The following PDE6B variants were observed in gnomAD, a reference collection of about 807,000 sequenced individuals.
PDE6B encodes the protein rod cGMP-specific 3',5'-cyclic phosphodiesterase subunit beta.
PDE6B carries 106 observed loss-of-function variants against 109.0 expected under a neutral mutation model. The ratio of observed to expected loss-of-function variants is 0.97; its 90% CI spans 0.83 to 1.14. PDE6B has a LOEUF of 1.14. PDE6B is among the 50% of genes most tolerant of loss of function. The pLI is 0.00. For synonymous variants in PDE6B, 490 were observed against 471.3 expected (o/e 1.04, Z -0.51); for missense variants, 1,193 against 1,155.6 (o/e 1.03, Z -0.47).
At position 633,939 on chromosome 4, in the gene PDE6B, G is replaced by A. The variant is rs113028440; in HGVS notation, c.469-738G>A. On this transcript the variant is annotated intron_variant, in intron 1 of 21. Coordinates refer to ENST00000496514, the MANE Select transcript of PDE6B (RefSeq NM_000283.4). This position sits in a 1 kb window ranked among gnomAD's most constrained non-coding sequence, Gnocchi z 4.5. ...CAGCTGACCTGTTCCTTGAGGGGCC[G>A]GAACCTAAGAGCCAAGAGAGGAGGG... 7.1e-3 allele frequency among the ~76,000 whole-genome samples: 1,087 copies of A among 152,226 alleles called. 19 individuals carry two copies. The highest frequency in any genetic ancestry group is 0.025 in the African/African-American group (1,037 of 41,528).
In PDE6B at chr4:635,987, A is replaced by C; in HGVS notation, c.711+18A>C. On this transcript the variant is annotated intron_variant, in intron 3 of 21. Transcript: ENST00000496514. ...GCGGCCAGGTACCCACACGCTGAGCACAGCTCTGCCCACGAGGGCCAGGGT... is the reference window on the plus strand; with the variant it reads ...GCGGCCAGGTACCCACACGCTGAGCCCAGCTCTGCCCACGAGGGCCAGGGT... 6.8e-7 allele frequency: 1 copy of C among 1,472,276 alleles called. No homozygotes were observed. Among genetic ancestry groups the C allele is most frequent in the African/African-American group, 1.4e-5 (1 of 72,320 alleles). The allele number at this position is 1,472,276 out of a possible 1,614,324, so 91.2% of individuals were successfully genotyped here.
chr4:653,387 G>C, intron 3 of PDE6B: 2 of 1,070,502 alleles, frequency 1.9e-6, no homozygotes, highest in South Asian at 4.2e-5. Flanking sequence ...TGTCCTGAGT[G>C]GGGTCTGGCC....
At chr4:637,052 T>C (rs1426341426) in intron 3 of PDE6B, among the ~76,000 whole-genome samples, 1 of 152,218 alleles carries the variant, frequency 6.6e-6, no homozygotes, top group East Asian at 1.9e-4. Flanking sequence ...TATTCAATCA[T>C]TTATTTATGT....
intron 2 of PDE6B, among the ~76,000 whole-genome samples, chr4:635,082 C>G (rs377437430): frequency 7.0e-5 from 8 of 113,802 alleles, no homozygotes; most frequent in South Asian, 3.3e-4. Flanking sequence ...CGTGTGTTCT[C>G]TGCTGCGTGT....
chr4:625,586 C>A lies in PDE6B; in HGVS notation c.-41C>A. On this transcript the variant is annotated 5_prime_UTR_variant, in exon 1 of 22. Transcript: ENST00000496514. The surrounding 1 kb of genome is among the most constrained non-coding windows in gnomAD (Gnocchi z 5.0). ...TGACAGGGTTTCCTGGGAGTCCATGCGTGCCTGGAGCAGCAGCGTCTCCAG... is the reference window on the plus strand; with the variant it reads ...TGACAGGGTTTCCTGGGAGTCCATGAGTGCCTGGAGCAGCAGCGTCTCCAG... 2.2e-6 allele frequency: 3 copies of A among 1,393,816 alleles called. No individual in the cohort carries two copies. The highest frequency in any genetic ancestry group is 1.2e-5 in the South Asian group (1 of 86,758). 86.3% of individuals were successfully genotyped at this position (1,393,816 alleles called of 1,614,324 possible). A position where few individuals can be genotyped will look rare whatever the true frequency, so the allele number is the denominator to read the frequency against.
rs1010503525 is a variant in PDE6B, at chr4:666,910, C to T, written c.2352+296C>T. On this transcript the variant is annotated intron_variant, in intron 20 of 21. Coordinates refer to ENST00000496514, the MANE Select transcript of PDE6B (RefSeq NM_000283.4). This position sits in a 1 kb window ranked among gnomAD's most constrained non-coding sequence, Gnocchi z 5.6. ...CCTCCAGGCCTACCCCAGAAGTTCT[C>T]CCTCAGTGCCCTCCGCCGTGGCCAG... Among the ~76,000 whole-genome samples, 1 of 152,240 alleles carries T rather than the reference C, an allele frequency of 6.6e-6. No homozygotes were observed. Among genetic ancestry groups the T allele is most frequent in the Non-Finnish European group, 1.5e-5 (1 of 68,040 alleles).
rs551607278 is a variant in PDE6B at position 635,512 on chromosome 4, C to T, written c.622-368C>T. 8.2e-5 allele frequency among the ~76,000 whole-genome samples: 9 copies of T among 109,860 alleles called. No individual in the cohort carries two copies. The South Asian group carries it at 1.2e-3, about 14-fold the overall frequency. 72.1% of individuals were successfully genotyped at this position (109,860 alleles called of 152,430 possible). On this transcript the variant is annotated intron_variant, in intron 2 of 21. Coordinates refer to ENST00000496514, the MANE Select transcript of PDE6B (RefSeq NM_000283.4). ...GCCTGCCCGTGTGTTCTGTGCTGTG[C>T]GTCCACCTCCTTACCTGCCTGCCTG... is the stretch of plus-strand genomic sequence containing the variant.
chr4:669,916 G>A, intron 21 of PDE6B, 130 bp from the exon 22 acceptor site: 1 of 784,684 alleles, frequency 1.3e-6, no homozygotes, highest in Non-Finnish European at 2.3e-6. Context: ...AATCGGCTTG[G>A]GCTGGTCACA....
At position 663,126 on chromosome 4, in the gene PDE6B, AC is replaced by A. The variant is rs769671323; in HGVS notation, c.1860del (p.His620GlnfsTer23). ...TCCCAGAACCCCTTGGCTAAGCTCCACGGCTCCTCGATTTTGGAGCGGCACC... is the reference window on the plus strand; with the variant it reads ...TCCCAGAACCCCTTGGCTAAGCTCCAGGCTCCTCGATTTTGGAGCGGCACC... ...MKSQNPLAKL[H>X]GSSILERHHL... On this transcript the variant is annotated frameshift_variant, in exon 15 of 22. Transcript: ENST00000496514. LOFTEE classifies it high-confidence loss of function. This position sits in a 1 kb window ranked among gnomAD's most constrained non-coding sequence, Gnocchi z 4.0. 59 of 1,611,616 alleles carry A rather than the reference AC, an allele frequency of 3.7e-5. No individual in the cohort carries two copies. The African/African-American group carries it at 5.2e-4, about 14-fold the overall frequency.
intron 5 of PDE6B, 146 bp downstream of exon 5, chr4:654,300 C>G: frequency 1.3e-6 from 1 of 742,674 alleles, no homozygotes; most frequent in Non-Finnish European, 2.4e-6. Flanking sequence ...TCTGTGGTCT[C>G]CACCAGGCTC....
chr4:656,350 T>A, intron 8 of PDE6B, 58 bp downstream of exon 8: 1 of 1,126,838 alleles, frequency 8.9e-7, no homozygotes. Context: ...AGATTTTGAT[T>A]CAGCGATGAT....
intron 1 of PDE6B, among the ~76,000 whole-genome samples, chr4:628,838 C>G (rs1300643354): frequency 6.6e-6 from 1 of 152,198 alleles, no homozygotes. Flanking sequence ...GGCTCCAAGT[C>G]CCTGTCTGCT....
intron 3 of PDE6B, among the ~76,000 whole-genome samples, chr4:651,222 C>T (rs1008315623): frequency 4.0e-5 from 6 of 151,062 alleles, no homozygotes; most frequent in African/African-American, 7.3e-5. Context: ...GCGATGTCAA[C>T]GGCAGTGGGG....
intron 16 of PDE6B, 91 bp from the exon 17 acceptor site, chr4:664,023 G>T (rs995163983): frequency 1.7e-6 from 2 of 1,168,086 alleles, no homozygotes; most frequent in Admixed American, 3.4e-5. Context: ...ATGGGGCCTC[G>T]CTCGGGCTCC....
At position 662,399 on chromosome 4, in the gene PDE6B, G is replaced by A. The variant is rs1393827552; in HGVS notation, c.1723-110G>A. 1.9e-5 allele frequency: 16 copies of A among 850,218 alleles called. No homozygotes were observed. Among genetic ancestry groups the A allele is most frequent in the Middle Eastern group, 2.3e-4 (1 of 4,360 alleles). 52.7% of individuals were successfully genotyped at this position (850,218 alleles called of 1,614,324 possible). On this transcript the variant is annotated intron_variant, in intron 13 of 21. Coordinates refer to ENST00000496514, the MANE Select transcript of PDE6B (RefSeq NM_000283.4). The surrounding 1 kb of genome is among the most constrained non-coding windows in gnomAD (Gnocchi z 4.3). ...CGTGCACCGCGCACCCCAGCCCTGC[G>A]GTGGTCGGAGGTCCAACCTCCAACC... is the stretch of plus-strand genomic sequence containing the variant.
chr4:653,846 C>G lies in PDE6B; in HGVS notation c.712-6C>G. 1 of 1,613,508 alleles carries G rather than the reference C, an allele frequency of 6.2e-7. No homozygotes were observed. The highest frequency in any genetic ancestry group is 1.1e-5 in the South Asian group (1 of 91,090). On this transcript the variant is annotated splice_region_variant and splice_polypyrimidine_tract_variant and intron_variant, in intron 3 of 21. Transcript: ENST00000496514. ...CACAGGCCCACAGGTGTGCCCCTCC[C>G]TCCAGGTGCTGCTGTGGTCGGCCAA...
At position 626,630 on chromosome 4, in the gene PDE6B, C is replaced by T. The variant is rs1734118228; in HGVS notation, c.468+536C>T. ...AGCTTTATCCCATGGGAGCCCACGC[C>T]AGCCGCCAGGGGAGAACAAACCTGG... On this transcript the variant is annotated intron_variant, in intron 1 of 21. Transcript: ENST00000496514. The surrounding 1 kb of genome is among the most constrained non-coding windows in gnomAD (Gnocchi z 4.6). 6.6e-6 allele frequency among the ~76,000 whole-genome samples: 1 copy of T among 152,208 alleles called. No individual in the cohort carries two copies. Among genetic ancestry groups the T allele is most frequent in the East Asian group, 1.9e-4 (1 of 5,194 alleles).
chr4:663,950 C>T lies in PDE6B; in HGVS notation c.2021+80C>T, dbSNP rs1737458955. 2.6e-6 allele frequency: 3 copies of T among 1,139,720 alleles called. No homozygotes were observed. Among genetic ancestry groups the T allele is most frequent in the Non-Finnish European group, 3.8e-6 (3 of 790,896 alleles). 70.6% of individuals were successfully genotyped at this position (1,139,720 alleles called of 1,614,324 possible). On this transcript the variant is annotated intron_variant, in intron 16 of 21. Coordinates refer to ENST00000496514, the MANE Select transcript of PDE6B (RefSeq NM_000283.4). This position sits in a 1 kb window ranked among gnomAD's most constrained non-coding sequence, Gnocchi z 4.0. ...CCCGGCAGACACGGGGGCGCAGCGG[C>T]GGCACAGCCCGGGGGACGCAGCCCC... is the stretch of plus-strand genomic sequence containing the variant.
chr4:638,744 G>A (rs543590144), intron 3 of PDE6B, among the ~76,000 whole-genome samples: 14 of 152,290 alleles, frequency 9.2e-5, no homozygotes, highest in African/African-American at 2.2e-4. Flanking sequence ...AGGGGTCCTC[G>A]TTACCCTAGC....
Sources: gnomAD v4.1 joint callset for allele counts (sites outside exome capture counted in the v4.1 genomes callset) on GRCh38, gnomAD v4.1.1 for gene constraint, Gnocchi (gnomAD v3.1) non-coding constraint, MANE v1.5 for transcripts, NCBI Gene and HGNC (gene_info 2026-07-23, HGNC 2026-07-21) for gene names.